PSD3: variants seen among roughly 807,000 people sequenced by gnomAD.
PSD3 encodes PH and SEC7 domain-containing protein 3.
A neutral mutation model predicts 105.5 loss-of-function variants in PSD3; 49 were observed. That is an observed-to-expected ratio of 0.46 (90% CI 0.37 to 0.59). PSD3 has a LOEUF of 0.59. Among genes scored for constraint, PSD3 ranks in the 20% least tolerant of loss-of-function variants. The pLI, the probability that PSD3 is intolerant of heterozygous loss-of-function variation, is 0.00. For missense variants in PSD3, 1,561 were observed against 1,263.8 expected (o/e 1.24, Z -3.57); for synonymous variants, 557 against 457.8 (o/e 1.22, Z -2.77).
chr8:19,040,827 A>G (rs1273655135), intron 1 of PSD3, among the ~76,000 whole-genome samples: 1 of 152,214 alleles, frequency 6.6e-6, no homozygotes, highest in Non-Finnish European at 1.5e-5. Flanking sequence ...TTCTTGGACC[A>G]CAGGTTATCC....
intron 11 of PSD3, among the ~76,000 whole-genome samples, chr8:18,620,512 C>A (rs1806038219): frequency 6.6e-6 from 1 of 151,920 alleles, no homozygotes; most frequent in Admixed American, 6.6e-5. Context: ...TAGTTTGAGG[C>A]CAGCCTGGGC....
chr8:19,015,078 C>T (rs1384280617), upstream of PSD3, among the ~76,000 whole-genome samples: 1 of 152,060 alleles, frequency 6.6e-6, no homozygotes, highest in Admixed American at 6.5e-5. Flanking sequence ...AATTGTAAGT[C>T]CCGCAGTTCC....
intron 4 of PSD3, among the ~76,000 whole-genome samples, chr8:18,815,054 G>C (rs1812094959): frequency 1.3e-5 from 2 of 152,102 alleles, no homozygotes; most frequent in African/African-American, 2.4e-5. Context: ...CTAGTGCACA[G>C]GTAAAATATA....
chr8:18,779,197 C>T lies in PSD3; in HGVS notation c.2083-13659G>A, dbSNP rs146259751. On this transcript the variant is annotated intron_variant, in intron 8 of 15. Transcript: ENST00000327040. The stretch of plus-strand genomic sequence containing the variant: ...CAAATATTGGTAGTTTCCTCATGTC[C>T]AGGAATGAATCTGTTTCCCGTAGGT... 4.9e-4 allele frequency among the ~76,000 whole-genome samples: 75 copies of T among 152,188 alleles called. 2 individuals carry two copies. In the East Asian group the frequency reaches 0.012, roughly 23 times the overall value.
intron 1 of PSD3, among the ~76,000 whole-genome samples, chr8:18,945,617 A>G (rs1292991900): frequency 6.6e-6 from 1 of 152,220 alleles, no homozygotes; most frequent in Admixed American, 6.5e-5. Flanking sequence ...ATACAGATAA[A>G]CAGAAATATA....
intron 1 of PSD3, among the ~76,000 whole-genome samples, chr8:19,074,143 C>T (rs1197284117): frequency 6.6e-6 from 1 of 152,154 alleles, no homozygotes; most frequent in East Asian, 1.9e-4. Context: ...CTGGGATCCT[C>T]ATCCAAAGCA....
intron 11 of PSD3, among the ~76,000 whole-genome samples, chr8:18,623,717 T>C (rs1223046108): frequency 6.6e-6 from 1 of 151,688 alleles, no homozygotes; most frequent in African/African-American, 2.4e-5. Context: ...TAGGTATACA[T>C]GTACTACCGC....
chr8:18,627,957 T>A (rs977162702), intron 11 of PSD3, among the ~76,000 whole-genome samples: 3 of 151,600 alleles, frequency 2.0e-5, no homozygotes, highest in Admixed American at 6.6e-5. Flanking sequence ...AAGAAAAACA[T>A]CAACCTGATA....
intron 8 of PSD3, among the ~76,000 whole-genome samples, chr8:18,789,963 T>C (rs1809542985): frequency 6.6e-6 from 1 of 152,094 alleles, no homozygotes; most frequent in African/African-American, 2.4e-5. Flanking sequence ...TAATATGAGG[T>C]CCCTCAATAA....
intron 1 of PSD3, among the ~76,000 whole-genome samples, chr8:18,983,633 T>G (rs1171749317): frequency 6.6e-6 from 1 of 152,134 alleles, no homozygotes; most frequent in Non-Finnish European, 1.5e-5. Context: ...AGCCAAAACA[T>G]ACGACAATTT....
chr8:18,780,006 G>C (rs1808455071), intron 8 of PSD3, among the ~76,000 whole-genome samples: 3 of 152,138 alleles, frequency 2.0e-5, no homozygotes, highest in Admixed American at 1.3e-4. Context: ...TCAGTCCAAG[G>C]CTGAGAGTCA....
At chr8:18,545,372 G>C (rs60771178) in intron 15 of PSD3, among the ~76,000 whole-genome samples, 1 of 152,012 alleles carries the variant, frequency 6.6e-6, no homozygotes, top group East Asian at 1.9e-4. Flanking sequence ...GTCCCACCCA[G>C]CTTGGCCTTG....
intron 8 of PSD3, among the ~76,000 whole-genome samples, chr8:18,793,533 A>T (rs1384486090): frequency 6.6e-6 from 1 of 152,184 alleles, no homozygotes; most frequent in Non-Finnish European, 1.5e-5. Context: ...TAGGAAAAAA[A>T]GCCAGGTAAG....
intron 14 of PSD3, among the ~76,000 whole-genome samples, chr8:18,556,709 C>T (rs1256284313): frequency 6.6e-6 from 1 of 152,228 alleles, no homozygotes; most frequent in African/African-American, 2.4e-5. Flanking sequence ...GGAAGCTGCA[C>T]ACCTTGGCTT....
chr8:19,073,983 G>C (rs559740927), intron 1 of PSD3, among the ~76,000 whole-genome samples: 3 of 151,796 alleles, frequency 2.0e-5, no homozygotes, highest in African/African-American at 7.3e-5. Context: ...GTAGAGACGA[G>C]GTTTCACCGT....
At chr8:19,078,126 G>T (rs985126038) in intron 1 of PSD3, among the ~76,000 whole-genome samples, 8 of 152,056 alleles carry the variant, frequency 5.3e-5, no homozygotes, top group African/African-American at 1.9e-4. Context: ...GAACTCCCAG[G>T]CTCAACTGAG....
At chr8:18,657,450 C>T (rs1315426162) in intron 9 of PSD3, among the ~76,000 whole-genome samples, 2 of 152,056 alleles carry the variant, frequency 1.3e-5, no homozygotes, top group Non-Finnish European at 1.5e-5. Context: ...TAATAAAAAC[C>T]AGGTCACATT....
Position 19,028,486 on chromosome 8 carries a change from G to A in PSD3, c.324+55720C>T, listed in dbSNP as rs187589837. On this transcript the variant is annotated intron_variant, in intron 1 of 1. Transcript: ENST00000521475. ...TCTTTCTGCCTTGGCTTCCCGAAGC[G>A]CTGGGATTATGGATGTGAGCCATTG... 4.2e-4 allele frequency among the ~76,000 whole-genome samples: 64 copies of A among 151,992 alleles called. No homozygotes were observed. The East Asian group carries it at 7.6e-3, about 18-fold the overall frequency.
chr8:18,581,074 T>A lies in PSD3; in HGVS notation c.2482-5789A>T, dbSNP rs540581054. On this transcript the variant is annotated intron_variant, in intron 12 of 15. Transcript: ENST00000327040. Reference sequence around the variant, plus strand: ...GAAACTGAGAGAGAAACTCTGAAGCTTTGTGATAGCAAAGGCTTGTCAAAG... The same window carrying A: ...GAAACTGAGAGAGAAACTCTGAAGCATTGTGATAGCAAAGGCTTGTCAAAG... 5.1e-4 allele frequency among the ~76,000 whole-genome samples: 78 copies of A among 152,226 alleles called. 1 individual carries two copies. Among genetic ancestry groups the A allele is most frequent in the African/African-American group, 1.5e-3 (63 of 41,544 alleles).
Sources: allele counts gnomAD v4.1 joint callset (sites outside exome capture counted in the v4.1 genomes callset), GRCh38; gene constraint gnomAD v4.1.1; transcripts MANE v1.5; gene names NCBI Gene and HGNC (gene_info 2026-07-23, HGNC 2026-07-21).